NRG1: variants seen among roughly 807,000 people sequenced by gnomAD.
NRG1 encodes the protein pro-neuregulin-1, membrane-bound isoform.
Under a neutral mutation model 63.8 loss-of-function variants are expected in NRG1, and 18 were observed. The observed-to-expected ratio is 0.28, with a 90% CI of 0.19 to 0.42. The LOEUF (loss-of-function observed/expected upper bound fraction) is 0.42, where lower values mean the gene tolerates loss of function less well. Among genes scored for constraint, NRG1 ranks in the 10% least tolerant of loss-of-function variants. The pLI is 1.00. For missense variants in NRG1, 762 were observed against 814.7 expected (o/e 0.94, Z 0.79); for synonymous variants, 302 against 301.3 (o/e 1.00, Z -0.02).
At chr8:32,005,804 ATCC>A (rs1813686680) in intron 1 of NRG1, among the ~76,000 whole-genome samples, 1 of 152,038 alleles carries the variant, frequency 6.6e-6, no homozygotes, top group Non-Finnish European at 1.5e-5. Context: ...CTGTTACATA[ATCC>A]ATAATCTGAT....
At chr8:31,661,842 C>G (rs1180763742) in intron 1 of NRG1, among the ~76,000 whole-genome samples, 2 of 152,170 alleles carry the variant, frequency 1.3e-5, no homozygotes, top group Non-Finnish European at 2.9e-5. Flanking sequence ...GCTTTGAGCA[C>G]TTATCATGAG....
intron 5 of NRG1, among the ~76,000 whole-genome samples, chr8:32,619,451 A>G (rs575190142): frequency 6.6e-5 from 10 of 152,136 alleles, no homozygotes; most frequent in Non-Finnish European, 1.2e-4. Context: ...GGACATTGGT[A>G]TTTAATGGAA....
chr8:32,665,613 G>T (rs1803941067), intron 5 of NRG1, among the ~76,000 whole-genome samples: 1 of 152,128 alleles, frequency 6.6e-6, no homozygotes, highest in Admixed American at 6.5e-5. Flanking sequence ...GATTAAAGAG[G>T]CAATCAGTGT....
chr8:32,091,869 T>C (rs565864489), intron 1 of NRG1, among the ~76,000 whole-genome samples: 2 of 152,188 alleles, frequency 1.3e-5, no homozygotes, highest in African/African-American at 4.8e-5. Context: ...GAAATAAATA[T>C]GATGAGAGCT....
intron 1 of NRG1, among the ~76,000 whole-genome samples, chr8:31,683,366 G>T (rs572269058): frequency 6.6e-6 from 1 of 152,214 alleles, no homozygotes; most frequent in Admixed American, 6.6e-5. Context: ...AGTGCTATCA[G>T]TGCTAAGAAG....
chr8:31,729,919 C>T (rs977853149), intron 1 of NRG1, among the ~76,000 whole-genome samples: 38 of 151,994 alleles, frequency 2.5e-4, no homozygotes, highest in Non-Finnish European at 5.1e-4. Context: ...CTGGAGGAGC[C>T]CAATTCTTTC....
At chr8:31,901,705 G>T (rs990178074) in intron 1 of NRG1, among the ~76,000 whole-genome samples, 5 of 152,200 alleles carry the variant, frequency 3.3e-5, no homozygotes, top group Admixed American at 6.5e-5. Context: ...AACAATCCAT[G>T]ATCCTGAGGG....
chr8:32,473,204 GT>G (rs1222353483), intron 1 of NRG1, among the ~76,000 whole-genome samples: 1 of 152,166 alleles, frequency 6.6e-6, no homozygotes, highest in Admixed American at 6.5e-5. Context: ...AATGCGTGCT[GT>G]TACCAATGTG....
At chr8:32,608,092 G>GTTTTTTTGTTTTTTTTTTTTTTTTTTT (rs1845600074) in intron 3 of NRG1, among the ~76,000 whole-genome samples, 1 of 106,158 alleles carries the variant, frequency 9.4e-6, no homozygotes, top group Non-Finnish European at 2.0e-5. Flanking sequence ...GGTTTTTTTT[G>GTTTTTTTGTTTTTTTTTTTTTTTTTTT]TTTTTTTTTT....
At position 32,760,270 on chromosome 8, in the gene NRG1, A is replaced by C. The variant is rs138663193; in HGVS notation, c.1123A>C (p.Asn375His). 2.7e-5 allele frequency: 43 copies of C among 1,613,988 alleles called. No individual in the cohort carries two copies. In the African/African-American group the frequency reaches 5.3e-4, roughly 20 times the overall value. ...TGTAATCGTGATGTCATCCGTAGAA[A>C]ACAGTAGGCACAGCAGCCCAACTGG... The change falls in exon 11 of 12, where the codon AAC (asparagine) becomes CAC (histidine). Residue 375 changes from asparagine (N) to histidine (H), a missense_variant. Transcript: ENST00000356819.
intron 1 of NRG1, among the ~76,000 whole-genome samples, chr8:32,540,702 C>T (rs191168885): frequency 1.3e-5 from 2 of 152,166 alleles, no homozygotes; most frequent in East Asian, 3.9e-4. Flanking sequence ...CCCAGGATCA[C>T]CCCCAGAATT....
exon 12 of NRG1, chr8:32,765,030 TA>T (rs5890680): frequency 1.3e-5 from 2 of 151,888 alleles, no homozygotes; most frequent in Admixed American, 1.3e-4. Context: ...TACTGTGATT[TA>T]AAAAAAACTA....
chr8:31,748,867 G>A (rs1045115008), intron 1 of NRG1, among the ~76,000 whole-genome samples: 1 of 151,868 alleles, frequency 6.6e-6, no homozygotes, highest in Non-Finnish European at 1.5e-5. Context: ...AGTGATACGG[G>A]AATCAATGTA....
At chr8:32,044,334 CAG>C (rs1325244934) in intron 1 of NRG1, among the ~76,000 whole-genome samples, 1 of 151,808 alleles carries the variant, frequency 6.6e-6, no homozygotes, top group Non-Finnish European at 1.5e-5. Flanking sequence ...AAAGGACAAA[CAG>C]AAATATTCAC....
chr8:32,177,728 A>C (rs117658834), intron 1 of NRG1, among the ~76,000 whole-genome samples: 484 of 152,250 alleles, frequency 3.2e-3, no homozygotes, highest in Non-Finnish European at 5.0e-3. Flanking sequence ...AAATCCATCA[A>C]AATAAACCAC....
At chr8:31,720,496 G>A (rs1056915757) in intron 1 of NRG1, among the ~76,000 whole-genome samples, 100 of 152,204 alleles carry the variant, frequency 6.6e-4, no homozygotes, top group African/African-American at 2.3e-3. Flanking sequence ...AACAGTGTGT[G>A]TTGTTTTGAC....
At chr8:32,453,751 C>A (rs1821266339) in intron 1 of NRG1, among the ~76,000 whole-genome samples, 1 of 152,142 alleles carries the variant, frequency 6.6e-6, no homozygotes, top group Admixed American at 6.6e-5. Context: ...ATAACACCGA[C>A]CTAAAACATT....
chr8:32,275,320 A>T (rs1851977950), intron 1 of NRG1, among the ~76,000 whole-genome samples: 1 of 152,012 alleles, frequency 6.6e-6, no homozygotes, highest in Non-Finnish European at 1.5e-5. Context: ...ATAACACAAA[A>T]TGCTTGCTCT....
At chr8:31,998,115 T>G (rs1413947300) in intron 1 of NRG1, among the ~76,000 whole-genome samples, 1 of 152,008 alleles carries the variant, frequency 6.6e-6, no homozygotes, top group Non-Finnish European at 1.5e-5. Flanking sequence ...TCAGCAATCA[T>G]AATCTTGGTG....
Sources: gnomAD v4.1 joint callset for allele counts (sites outside exome capture counted in the v4.1 genomes callset) on GRCh38, gnomAD v4.1.1 for gene constraint, MANE v1.5 for transcripts, NCBI Gene and HGNC (gene_info 2026-07-23, HGNC 2026-07-21) for gene names.